ZNF490: variants seen among roughly 807,000 people sequenced by gnomAD.
ZNF490 encodes the protein zinc finger protein 490.
In ZNF490, 11 loss-of-function variants were observed where a neutral mutation model predicts 17.7. That is an observed-to-expected ratio of 0.62 (90% confidence interval 0.39 to 1.03). The LOEUF (loss-of-function observed/expected upper bound fraction) is 1.03. Ranked by LOEUF, ZNF490 falls within the 50% of genes least tolerant of loss-of-function variation. The pLI is 0.00. For synonymous variants in ZNF490, 222 were observed against 216.1 expected (o/e 1.03, Z -0.24); for missense variants, 542 against 643.4 (o/e 0.84, Z 1.71).
chr19:12,601,400 C>A lies in ZNF490; in HGVS notation c.162+7758G>T, dbSNP rs376532235. ...AAGACTCCGTCTGAAAAAAAAAAAA[C>A]AAAAACAAAGAATTGGGGTCTCACT... On this transcript the variant is annotated intron_variant, in intron 2 of 4. Coordinates refer to ENST00000311437, the MANE Select transcript of ZNF490 (RefSeq NM_020714.3). 6.4e-4 allele frequency among the ~76,000 whole-genome samples: 95 copies of A among 149,210 alleles called. 1 individual carries two copies. The highest frequency in any genetic ancestry group is 2.1e-3 in the African/African-American group (84 of 40,658).
In ZNF490 at chr19:12,604,832, A is replaced by AAT. The variant is rs1568283153; in HGVS notation, c.162+4325_162+4326insAT. ...AGAGCAAAACTCCGTCTCAAAAAAAAAATAATAATAATAATAAATAAAATA... is the reference window on the plus strand; with the variant it reads ...AGAGCAAAACTCCGTCTCAAAAAAAAATAATAATAATAATAATAAATAAAATA... On this transcript the variant is annotated intron_variant, in intron 2 of 4. Coordinates refer to ENST00000311437, the MANE Select transcript of ZNF490 (RefSeq NM_020714.3). Among the ~76,000 whole-genome samples, 319 of 151,336 alleles carry AAT rather than the reference A, an allele frequency of 2.1e-3. 4 individuals are homozygous for AAT. Among genetic ancestry groups the AAT allele is most frequent in the African/African-American group, 6.2e-3 (258 of 41,298 alleles).
intron 1 of ZNF490, among the ~76,000 whole-genome samples, chr19:12,610,293 C>A: frequency 1.1e-5 from 1 of 88,794 alleles, no homozygotes; most frequent in Non-Finnish European, 2.2e-5. Flanking sequence ...CCCGCCTCAG[C>A]CCACCCACCC....
rs1383982210 is a variant in ZNF490 at position 12,596,547 on chromosome 19, G to A, written c.162+12611C>T. On this transcript the variant is annotated intron_variant, in intron 2 of 4. Coordinates refer to ENST00000311437, the MANE Select transcript of ZNF490 (RefSeq NM_020714.3). ...AAAAATTTGAAATTAGCCAGTAGTG[G>A]CAGATGCCTTTAGTCCCAGCTACTC... Among the ~76,000 whole-genome samples, 5 of 152,150 alleles carry A rather than the reference G, an allele frequency of 3.3e-5. No individual in the cohort carries two copies. In the East Asian group the frequency reaches 9.6e-4, roughly 29 times the overall value.
chr19:12,589,838 G>A (rs1382795322), intron 2 of ZNF490, among the ~76,000 whole-genome samples: 2 of 151,926 alleles, frequency 1.3e-5, no homozygotes, highest in East Asian at 3.8e-4. Context: ...TGAGGAACAA[G>A]GTAAGAAAGA....
At chr19:12,610,044 A>C in intron 1 of ZNF490, 1 of 429,054 alleles carries the variant, frequency 2.3e-6, no homozygotes, top group East Asian at 7.0e-5. Context: ...AAACAAAAAA[A>C]CAACGAAAAC....
intron 1 of ZNF490, 37 bp downstream of exon 1, chr19:12,610,527 C>T (rs1162933321): frequency 2.7e-6 from 4 of 1,504,512 alleles, no homozygotes; most frequent in African/African-American, 1.4e-5. Context: ...CACTATTCCA[C>T]GAGAGGCCTT....
At chr19:12,603,799 A>AG (rs2023035216) in intron 2 of ZNF490, among the ~76,000 whole-genome samples, 2 of 151,766 alleles carry the variant, frequency 1.3e-5, no homozygotes, top group Admixed American at 1.3e-4. Flanking sequence ...AAAAAAAAAA[A>AG]AAAATGGCCT....
At chr19:12,607,105 T>G (rs1215841892) in intron 2 of ZNF490, among the ~76,000 whole-genome samples, 3 of 152,036 alleles carry the variant, frequency 2.0e-5, no homozygotes, top group Non-Finnish European at 4.4e-5. Context: ...ACTGGGAGGC[T>G]GATGTGGGAG....
chr19:12,577,153 TAC>T lies in ZNF490; in HGVS notation c.*3330_*3331del. ...GAGATATTAGCACAGCTTTGTTGAC[TAC>T]ACCTATTAGAGGGAGTTACACAGAG... On this transcript the variant is annotated 3_prime_UTR_variant, in exon 5 of 5. Coordinates refer to ENST00000311437, the MANE Select transcript of ZNF490 (RefSeq NM_020714.3). Among the ~76,000 whole-genome samples the T allele has an allele frequency of 6.6e-6, 1 of 152,286 alleles. No individual in the cohort carries two copies. The highest frequency in any genetic ancestry group is 2.4e-5 in the African/African-American group (1 of 41,566).
Position 12,577,398 on chromosome 19 carries a change from C to T in ZNF490, c.*3087G>A, listed in dbSNP as rs1220357117. The T allele has an allele frequency of 1.6e-5, 16 of 981,284 alleles. No individual in the cohort carries two copies. The highest frequency in any genetic ancestry group is 6.2e-5 in the Admixed American group (1 of 16,238). The allele number at this position is 981,284 out of a possible 1,614,324, so 60.8% of individuals were successfully genotyped here. A position where few individuals can be genotyped will look rare whatever the true frequency, so the allele number is the denominator to read the frequency against. Reference sequence around the variant, plus strand: ...GAAGGAATCTCGAACTTCCTGACCTCCCACAGTACAATAATCATCTCTCTA... The same window carrying T: ...GAAGGAATCTCGAACTTCCTGACCTTCCACAGTACAATAATCATCTCTCTA... On this transcript the variant is annotated 3_prime_UTR_variant, in exon 5 of 5. Transcript: ENST00000311437.
rs2036101154 is a variant in ZNF490, at chr19:12,585,283, T to C, written c.163-1727A>G. Among the ~76,000 whole-genome samples the C allele has an allele frequency of 2.1e-5, 2 of 93,606 alleles. 1 individual carries two copies. The highest frequency in any genetic ancestry group is 5.7e-5 in the Non-Finnish European group (2 of 34,860). 61.4% of individuals were successfully genotyped at this position (93,606 alleles called of 152,430 possible). ...AAAGCCAGGCGGGGTGGCTCACGCC[T>C]ATAATCCCAGCACTTTGGGAGGCAG... On this transcript the variant is annotated intron_variant, in intron 2 of 4. Coordinates refer to ENST00000311437, the MANE Select transcript of ZNF490 (RefSeq NM_020714.3).
At chr19:12,583,389 G>A in intron 3 of ZNF490, 41 bp downstream of exon 3, 1 of 1,544,664 alleles carries the variant, frequency 6.5e-7, no homozygotes, top group South Asian at 1.2e-5. Context: ...AGAAACACCT[G>A]TTCCCTCCTT....
chr19:12,608,100 A>G (rs1045005893), intron 2 of ZNF490, among the ~76,000 whole-genome samples: 3 of 152,188 alleles, frequency 2.0e-5, no homozygotes, highest in African/African-American at 7.2e-5. Context: ...CTCCCACTTC[A>G]GCATCCCAAA....
rs144893930 is a variant in ZNF490, at chr19:12,581,650, T to C, written c.425A>G (p.Asp142Gly). Residue 142 changes from aspartate to glycine, a missense_variant, in exon 5 of 5, where the codon GAT (aspartate) becomes GGT (glycine). Asp to Gly is a moderately conservative substitution (Grantham distance 94). Coordinates refer to ENST00000311437, the MANE Select transcript of ZNF490 (RefSeq NM_020714.3). ...AGGAGTTTCCAGGTTCGTATTAAGA[T>C]CAGGAATCTGGCTAGTGCTTTTTCC... ...PCGKSTSQIP[D>G]LNTNLETPTG... 3.1e-6 allele frequency: 5 copies of C among 1,614,154 alleles called. No homozygotes were observed. The highest frequency in any genetic ancestry group is 4.2e-6 in the Non-Finnish European group (5 of 1,180,016).
At chr19:12,602,123 CACA>C (rs2023015191) in intron 2 of ZNF490, among the ~76,000 whole-genome samples, 1 of 148,234 alleles carries the variant, frequency 6.7e-6, no homozygotes, top group Admixed American at 6.8e-5. Flanking sequence ...CACACACACA[CACA>C]CATATATGGG....
At chr19:12,588,914 T>G (rs2022833396) in intron 2 of ZNF490, among the ~76,000 whole-genome samples, 1 of 152,192 alleles carries the variant, frequency 6.6e-6, no homozygotes, top group African/African-American at 2.4e-5. Flanking sequence ...AAAATAGAAC[T>G]TATCAAAACA....
chr19:12,605,265 T>A (rs748408332), intron 2 of ZNF490, among the ~76,000 whole-genome samples: 6 of 152,158 alleles, frequency 3.9e-5, no homozygotes, highest in Admixed American at 6.6e-5. Context: ...GAGGATCTCT[T>A]GAGACCTGGA....
At chr19:12,610,322 C>T (rs2023131966) in intron 1 of ZNF490, among the ~76,000 whole-genome samples, 1 of 150,400 alleles carries the variant, frequency 6.6e-6, no homozygotes, top group African/African-American at 2.4e-5. Flanking sequence ...CCCCCACCGC[C>T]CCCACCACGC....
At chr19:12,584,099 C>A (rs1480378483) in intron 2 of ZNF490, among the ~76,000 whole-genome samples, 2 of 91,952 alleles carry the variant, frequency 2.2e-5, no homozygotes, top group Admixed American at 1.0e-4. Flanking sequence ...CGTGAGCCAC[C>A]GCACCCTGCC....
Sources: allele counts gnomAD v4.1 joint callset (sites outside exome capture counted in the v4.1 genomes callset), GRCh38; gene constraint gnomAD v4.1.1; transcripts MANE v1.5; gene names NCBI Gene and HGNC (gene_info 2026-07-23, HGNC 2026-07-21).